The following CBFA2T3 variants were observed in gnomAD, a reference collection of about 807,000 sequenced individuals.
The protein encoded by CBFA2T3 is CBFA2/RUNX1 partner transcriptional co-repressor 3, also known as transcriptional corepressor CBFA2T3.
Under a neutral mutation model 58.6 loss-of-function variants are expected in CBFA2T3, and 31 were observed. The observed-to-expected ratio is 0.53, with a 90% CI of 0.40 to 0.71. The LOEUF (loss-of-function observed/expected upper bound fraction) is 0.71. Among genes scored for constraint, CBFA2T3 ranks in the 30% least tolerant of loss-of-function variants. The pLI is 0.00. For synonymous variants in CBFA2T3, 531 were observed against 421.9 expected (o/e 1.26, Z -3.17); for missense variants, 1,076 against 963.1 (o/e 1.12, Z -1.55).
chr16:88,934,725 C>T (rs1028658695), intron 1 of CBFA2T3, among the ~76,000 whole-genome samples: 3 of 152,238 alleles, frequency 2.0e-5, no homozygotes, highest in Non-Finnish European at 2.9e-5. Context: ...CTTCCACCCC[C>T]GAAGTTCAGA....
intron 1 of CBFA2T3, among the ~76,000 whole-genome samples, chr16:88,959,329 G>A (rs1343544457): frequency 1.3e-5 from 2 of 152,230 alleles, no homozygotes; most frequent in Non-Finnish European, 2.9e-5. Context: ...GTCTCCTTGC[G>A]GGAGAGAGTT....
chr16:88,940,137 T>A (rs1971663291), intron 1 of CBFA2T3: 1 of 154,078 alleles, frequency 6.5e-6, no homozygotes, highest in African/African-American at 2.4e-5. Flanking sequence ...AGGGAAAGGT[T>A]TTTCTTCCTG....
intron 5 of CBFA2T3, among the ~76,000 whole-genome samples, chr16:88,889,316 A>T (rs572081115): frequency 8.1e-6 from 1 of 123,222 alleles, no homozygotes; most frequent in Non-Finnish European, 1.7e-5. Context: ...TAGAGGAGGG[A>T]GGGCAGGAGG....
At chr16:88,916,136 A>G (rs1390650409) in intron 1 of CBFA2T3, among the ~76,000 whole-genome samples, 1 of 150,082 alleles carries the variant, frequency 6.7e-6, no homozygotes, top group Admixed American at 6.6e-5. Context: ...ACTCACGTGT[A>G]CATGTGGGTG....
At chr16:88,948,835 C>G (rs190355664) in intron 1 of CBFA2T3, among the ~76,000 whole-genome samples, 4 of 152,282 alleles carry the variant, frequency 2.6e-5, no homozygotes, top group African/African-American at 7.2e-5. Flanking sequence ...TCTCTCTTGT[C>G]TTTGTTGAAG....
chr16:88,914,177 C>T lies in CBFA2T3; in HGVS notation c.152-12521G>A, dbSNP rs191598539. ...TCTCACAAACGCGGTGGCCAGGCCC[C>T]GCAGAGCATGGGATGCGAGAGTCCG... On this transcript the variant is annotated intron_variant, in intron 1 of 11. Coordinates refer to ENST00000268679, the MANE Select transcript of CBFA2T3 (RefSeq NM_005187.6). Among the ~76,000 whole-genome samples the T allele has an allele frequency of 3.7e-3, 558 of 152,346 alleles. 1 individual carries two copies. Among genetic ancestry groups the T allele is most frequent in the African/African-American group, 0.013 (533 of 41,558 alleles).
At chr16:88,889,945 G>C (rs1162274211) in intron 5 of CBFA2T3, among the ~76,000 whole-genome samples, 3 of 130,188 alleles carry the variant, frequency 2.3e-5, no homozygotes, top group South Asian at 2.5e-4. Context: ...GGACGACGCC[G>C]TGCGATTCCT....
chr16:88,921,534 C>A (rs765017148), intron 1 of CBFA2T3, among the ~76,000 whole-genome samples: 128 of 152,252 alleles, frequency 8.4e-4, no homozygotes, highest in Middle Eastern at 3.4e-3. Context: ...CAGCCCCTGC[C>A]CCTCTCCTGC....
intron 1 of CBFA2T3, among the ~76,000 whole-genome samples, chr16:88,972,884 A>C (rs1368597803): frequency 6.6e-6 from 1 of 152,186 alleles, no homozygotes; most frequent in African/African-American, 2.4e-5. Context: ...TTGCTCACAG[A>C]CACAGGTCTG....
chr16:88,947,784 C>G (rs185570951), intron 1 of CBFA2T3, among the ~76,000 whole-genome samples: 130 of 152,122 alleles, frequency 8.5e-4, no homozygotes, highest in African/African-American at 3.0e-3. Context: ...TGTGGTGGTG[C>G]GTGCCTGTAG....
Position 88,885,796 on chromosome 16 carries a change from C to A in CBFA2T3, c.893+165G>T. On this transcript the variant is annotated intron_variant, in intron 6 of 11. Transcript: ENST00000268679. This position sits in a 1 kb window ranked among gnomAD's most constrained non-coding sequence, Gnocchi z 5.3. ...ACTGGGGTGTCCGCCCGTGCAGCCA[C>A]CAAGCCTGCTGGCCCTAGTACACCT... 1.6e-6 allele frequency: 1 copy of A among 627,074 alleles called. No homozygotes were observed. Among genetic ancestry groups the A allele is most frequent in the Non-Finnish European group, 2.8e-6 (1 of 361,816 alleles). 38.8% of individuals were successfully genotyped at this position (627,074 alleles called of 1,614,324 possible). A position where few individuals can be genotyped will look rare whatever the true frequency, so the allele number is the denominator to read the frequency against.
chr16:88,897,691 TG>T (rs1969941166), intron 3 of CBFA2T3, among the ~76,000 whole-genome samples: 1 of 152,206 alleles, frequency 6.6e-6, no homozygotes, highest in South Asian at 2.1e-4. Flanking sequence ...CAGTTGCAGC[TG>T]GGACTCCAGG....
intron 1 of CBFA2T3, among the ~76,000 whole-genome samples, chr16:88,909,880 C>T (rs1356632437): frequency 1.3e-5 from 2 of 152,352 alleles, no homozygotes; most frequent in Middle Eastern, 3.4e-3. Context: ...GCCGGGCAGC[C>T]GTCCAGTGCA....
At chr16:88,877,817 G>T (rs1233715184) in intron 11 of CBFA2T3, among the ~76,000 whole-genome samples, 1 of 152,220 alleles carries the variant, frequency 6.6e-6, no homozygotes, top group Non-Finnish European at 1.5e-5. Flanking sequence ...AAAAGCCTGT[G>T]GGCAGAGCAG....
intron 1 of CBFA2T3, among the ~76,000 whole-genome samples, chr16:88,948,445 T>TGGCCGTCAGCCTG (rs1164379276): frequency 4.6e-5 from 7 of 152,192 alleles, no homozygotes; most frequent in Admixed American, 4.6e-4. Context: ...GGTTCTGCCT[T>TGGCCGTCAGCCTG]GGCCGTCAGC....
In CBFA2T3 at chr16:88,881,428, C is replaced by G; in HGVS notation, c.1265G>C (p.Arg422Thr). Residue 422 changes from arginine (R) to threonine (T), a missense_variant, in exon 9 of 12, where the codon AGG becomes ACG. Transcript: ENST00000268679. Reference sequence around the variant, plus strand: ...CTCCTCGCGGTCGGCCTCCTGGCACCTGCGCAGCACCGTGAGCGAGCGCCG... The same window carrying G: ...CTCCTCGCGGTCGGCCTCCTGGCACGTGCGCAGCACCGTGAGCGAGCGCCG... Reference protein sequence around the residue: ...KTRRSLTVLRRCQEADREELN... With the variant: ...KTRRSLTVLRTCQEADREELN... 2 of 1,609,580 alleles carry G rather than the reference C, an allele frequency of 1.2e-6. No individual in the cohort carries two copies. Among genetic ancestry groups the G allele is most frequent in the African/African-American group, 1.3e-5 (1 of 74,998 alleles).
At chr16:88,894,599 C>T (rs1465361464) in intron 3 of CBFA2T3, among the ~76,000 whole-genome samples, 1 of 144,120 alleles carries the variant, frequency 6.9e-6, no homozygotes, top group African/African-American at 2.9e-5. Context: ...TACACATGCA[C>T]ACAATGTACA....
intron 1 of CBFA2T3, among the ~76,000 whole-genome samples, chr16:88,931,904 G>A (rs1971320331): frequency 6.6e-6 from 1 of 152,076 alleles, no homozygotes; most frequent in Admixed American, 6.5e-5. Context: ...ACTTCGCCGG[G>A]GCACTTATCA....
At chr16:88,914,204 T>A (rs1042998418) in intron 1 of CBFA2T3, among the ~76,000 whole-genome samples, 3 of 152,152 alleles carry the variant, frequency 2.0e-5, no homozygotes, top group African/African-American at 7.2e-5. Flanking sequence ...GAGAGTCCGT[T>A]TCTAGAAAAT....
Sources: gnomAD v4.1 joint callset for allele counts (sites outside exome capture counted in the v4.1 genomes callset) on GRCh38, gnomAD v4.1.1 for gene constraint, Gnocchi (gnomAD v3.1) non-coding constraint, MANE v1.5 for transcripts, NCBI Gene and HGNC (gene_info 2026-07-23, HGNC 2026-07-21) for gene names.